Variants in JUP observed in about 807,000 individuals in gnomAD.
JUP encodes junction plakoglobin, also known as catenin (cadherin-associated protein), gamma 80kDa.
Under a neutral mutation model 71.1 loss-of-function variants are expected in JUP, and 28 were observed. That is an observed-to-expected ratio of 0.39 (90% CI 0.29 to 0.54). JUP has a LOEUF of 0.54. JUP is among the 20% of genes least tolerant of loss of function. The probability of loss-of-function intolerance (pLI) is 0.62; values close to 1 mark genes in which losing one functional copy is unlikely to be tolerated. For missense variants in JUP, 869 were observed against 1,030.1 expected (o/e 0.84, Z 2.14); for synonymous variants, 401 against 438.9 (o/e 0.91, Z 1.08).
intron 10 of JUP, 43 bp from the exon 11 acceptor site, chr17:41,757,827 G>A (rs782236998): frequency 1.3e-6 from 2 of 1,553,312 alleles, no homozygotes; most frequent in Non-Finnish European, 1.8e-6. Flanking sequence ...GGTGGAAAGG[G>A]GTGAGGCAGG....
intron 1 of JUP, among the ~76,000 whole-genome samples, chr17:41,780,706 CAA>C (rs61104138): frequency 5.4e-4 from 78 of 145,046 alleles, no homozygotes; most frequent in Non-Finnish European, 5.1e-4. Context: ...AAAAACAAAC[CAA>C]AAAAAAAAAA....
At position 41,763,428 on chromosome 17, in the gene JUP, T is replaced by G. The variant is rs1388002100; in HGVS notation, c.1159-107A>C. The G allele has an allele frequency of 5.3e-6, 4 of 756,818 alleles. No individual in the cohort carries two copies. In the African/African-American group the frequency reaches 6.9e-5, roughly 13 times the overall value. The allele number at this position is 756,818 out of a possible 1,614,324, so 46.9% of individuals were successfully genotyped here. On this transcript the variant is annotated intron_variant, in intron 7 of 13. Coordinates refer to ENST00000393931, the MANE Select transcript of JUP (RefSeq NM_002230.4). ...ATGACCTAAAGGGGTCAGCCCTGCC[T>G]GTGTGTGCCCGGGAACTTTCATCCC...
chr17:41,760,279 G>T (rs558937663), intron 8 of JUP, among the ~76,000 whole-genome samples: 8 of 151,178 alleles, frequency 5.3e-5, no homozygotes, highest in African/African-American at 1.9e-4. Context: ...TTTTTGAGAC[G>T]GAGTCTCGCT....
rs1913563618 is a variant in JUP, at chr17:41,755,596, C to T, written c.*148G>A. ...CACAAGAAGAAGGCAGGCCAGGGCA[C>T]ACCGTGCTTGGGGAAGCTCAGCAGC... On this transcript the variant is annotated 3_prime_UTR_variant, in exon 14 of 14. Coordinates refer to ENST00000393931, the MANE Select transcript of JUP (RefSeq NM_002230.4). 4.0e-6 allele frequency: 3 copies of T among 751,856 alleles called. No homozygotes were observed. The highest frequency in any genetic ancestry group is 4.1e-6 in the Non-Finnish European group (2 of 493,580). The allele number at this position is 751,856 out of a possible 1,614,324, so 46.6% of individuals were successfully genotyped here.
At chr17:41,769,339 C>T (rs2143689253) in intron 3 of JUP, 79 bp downstream of exon 3, 2 of 1,576,252 alleles carry the variant, frequency 1.3e-6, no homozygotes, top group Non-Finnish European at 1.7e-6. Context: ...CCCTCCACCC[C>T]TACAATGTCC....
rs782266138 is a variant in JUP, at chr17:41,769,037, G to A, written c.639C>T (p.Ser213=). The change falls in exon 4 of 14, where the codon TCC becomes TCT. Residue 213 remains serine, a synonymous_variant. Coordinates refer to ENST00000393931, the MANE Select transcript of JUP (RefSeq NM_002230.4). The stretch of plus-strand genomic sequence containing the variant: ...TGGCGAGCAGCCCCTCCCGGTGGTG[G>A]GAGAGGTTGTGCAGGATGCTGGTGG... ...RCTTSILHNL[S]HHREGLLAIF... is the part of the protein sequence containing the mutation. The A allele has an allele frequency of 1.2e-6, 2 of 1,612,712 alleles. No homozygotes were observed. Among genetic ancestry groups the A allele is most frequent in the Non-Finnish European group, 1.7e-6 (2 of 1,179,562 alleles).
intron 1 of JUP, among the ~76,000 whole-genome samples, chr17:41,778,774 G>C (rs1416831083): frequency 4.6e-5 from 7 of 151,894 alleles, no homozygotes; most frequent in Admixed American, 1.3e-4. Flanking sequence ...AGCCGGGCGT[G>C]TTAGCGGGTG....
chr17:41,756,531 A>C (rs1913784221), intron 12 of JUP, among the ~76,000 whole-genome samples: 2 of 151,670 alleles, frequency 1.3e-5, no homozygotes, highest in Non-Finnish European at 2.9e-5. Flanking sequence ...ATGGGGAGGC[A>C]GAGGATGCAG....
chr17:41,765,026 C>G lies in JUP; in HGVS notation c.951G>C (p.Gln317His), dbSNP rs782215140. The G allele has an allele frequency of 4.3e-6, 7 of 1,614,000 alleles. No individual in the cohort carries two copies. In the African/African-American group the frequency reaches 8.0e-5, roughly 18 times the overall value. ...TTTCATAACTGTAGTTACGCATGAT[C>G]TGCACGAGGGCCTGGGGCCCACCAT... ...LANGGPQALV[Q>H]IMRNYSYEKL... Residue 317 changes from glutamine to histidine, a missense_variant, in exon 6 of 14, where the codon CAG (glutamine) becomes CAC (histidine). Coordinates refer to ENST00000393931, the MANE Select transcript of JUP (RefSeq NM_002230.4).
chr17:41,762,678 G>A (rs1915092612), intron 8 of JUP, among the ~76,000 whole-genome samples: 2 of 152,146 alleles, frequency 1.3e-5, no homozygotes, highest in Admixed American at 1.3e-4. Flanking sequence ...TGGGATTACA[G>A]GCATGAGCCA....
chr17:41,765,660 A>G (rs78302150), intron 5 of JUP, among the ~76,000 whole-genome samples: 7,870 of 152,214 alleles, frequency 0.052, 655 homozygotes, highest in African/African-American at 0.18. Flanking sequence ...GCCCACCCCA[A>G]TAGTTTCATG....
In JUP at chr17:41,771,739, C is replaced by T. The variant is rs1555607010; in HGVS notation, c.116G>A (p.Ser39Asn). The T allele has an allele frequency of 6.2e-7, 1 of 1,614,166 alleles. No homozygotes were observed. Among genetic ancestry groups the T allele is most frequent in the South Asian group, 1.1e-5 (1 of 91,088 alleles). Reference protein sequence around the residue: ...GANTCVPSVSSKGIMEEDEAC... With the variant: ...GANTCVPSVSNKGIMEEDEAC... ...CTCATCCTCCTCCATGATGCCCTTG[C>T]TGCTGACGGAGGGCACGCAGGTGTT... is the stretch of plus-strand genomic sequence containing the variant. The change falls in exon 2 of 14, where the codon AGC becomes AAC. Residue 39 changes from serine (S) to asparagine (N), a missense_variant. By Grantham distance (46) the Ser-to-Asn change is conservative (BLOSUM62 1). Coordinates refer to ENST00000393931, the MANE Select transcript of JUP (RefSeq NM_002230.4).
At chr17:41,772,671 T>G (rs1555607482) in intron 1 of JUP, 7 of 393,080 alleles carry the variant, frequency 1.8e-5, no homozygotes, top group Non-Finnish European at 2.4e-5. Flanking sequence ...GCCACGGCCA[T>G]TATCATCAGC....
intron 1 of JUP, among the ~76,000 whole-genome samples, chr17:41,774,964 A>G (rs1030434566): frequency 2.0e-5 from 3 of 152,004 alleles, no homozygotes; most frequent in Admixed American, 6.6e-5. Flanking sequence ...TTAGCCAGGC[A>G]TGGTGGTGTG....
chr17:41,769,711 C>A (rs1482089688), intron 2 of JUP, 34 bp from the exon 3 acceptor site: 25 of 1,599,602 alleles, frequency 1.6e-5, no homozygotes, highest in Non-Finnish European at 2.1e-5. Flanking sequence ...TGAGTGCAGG[C>A]AGTGGGCTGG....
In JUP at chr17:41,758,870, C is replaced by A. The variant is rs2143461477; in HGVS notation, c.1498G>T (p.Ala500Ser). ...NQPNQWPLVK[A>S]TIGLIRNLAL... Reference sequence around the variant, plus strand: ...AGATTCCTGATCAAGCCGATGGTTGCCTGGCAAAAAAAGGGGCAGTGATCA... The same window carrying A: ...AGATTCCTGATCAAGCCGATGGTTGACTGGCAAAAAAAGGGGCAGTGATCA... Residue 500 changes from alanine to serine, a missense_variant and splice_region_variant, in exon 9 of 14, where the codon GCA (alanine) becomes TCA (serine). Ala to Ser is a moderately conservative substitution (Grantham distance 99, BLOSUM62 1). Coordinates refer to ENST00000393931, the MANE Select transcript of JUP (RefSeq NM_002230.4). The A allele has an allele frequency of 6.3e-7, 1 of 1,599,634 alleles. No individual in the cohort carries two copies. Among genetic ancestry groups the A allele is most frequent in the Non-Finnish European group, 8.5e-7 (1 of 1,172,440 alleles).
Position 41,772,824 on chromosome 17 carries a change from G to T in JUP, c.-8-962C>A, listed in dbSNP as rs189381466. Reference sequence around the variant, plus strand: ...TGCAAAGGTTTAGGCGCACCTGAAGGTTAATGAGTAGCAGGGCCGAACTTT... The same window carrying T: ...TGCAAAGGTTTAGGCGCACCTGAAGTTTAATGAGTAGCAGGGCCGAACTTT... On this transcript the variant is annotated intron_variant, in intron 1 of 13. Transcript: ENST00000393931. 412 of 985,478 alleles carry T rather than the reference G, an allele frequency of 4.2e-4. No individual in the cohort carries two copies. In the African/African-American group the frequency reaches 6.8e-3, roughly 16 times the overall value. The allele number at this position is 985,478 out of a possible 1,614,324, so 61.0% of individuals were successfully genotyped here.
At chr17:41,780,652 A>G (rs1200279998) in intron 1 of JUP, among the ~76,000 whole-genome samples, 49 of 151,726 alleles carry the variant, frequency 3.2e-4, no homozygotes, top group Non-Finnish European at 5.6e-4. Flanking sequence ...CCAAGACTGC[A>G]CTACTGCACT....
chr17:41,762,123 CAGAGAGAGAGAGAGAGAGAGAGAGAGAG>C (rs528611507), intron 8 of JUP, among the ~76,000 whole-genome samples: 10 of 69,194 alleles, frequency 1.4e-4, no homozygotes, highest in South Asian at 7.3e-4. Flanking sequence ...TGCAGAGAGA[CAGAGAGAGAGAGAGAGAGAGAGAGAGAG>C]AGAGAGAGAG....
Sources: allele counts gnomAD v4.1 joint callset (sites outside exome capture counted in the v4.1 genomes callset), GRCh38; gene constraint gnomAD v4.1.1; transcripts MANE v1.5; gene names NCBI Gene and HGNC (gene_info 2026-07-23, HGNC 2026-07-21).